PITPNA: variants seen among roughly 807,000 people sequenced by gnomAD.
PITPNA encodes the protein phosphatidylinositol transfer protein alpha.
PITPNA carries 13 observed loss-of-function variants against 50.3 expected under a neutral mutation model. The ratio of observed to expected loss-of-function variants is 0.26; its 90% CI spans 0.17 to 0.41. The LOEUF is 0.41. Among genes scored for constraint, PITPNA ranks in the 10% least tolerant of loss-of-function variants. PITPNA has a pLI of 1.00. For missense variants in PITPNA, 207 were observed against 333.4 expected, an observed-to-expected ratio of 0.62 and a Z score of 2.95; for synonymous variants, 120 against 119.6, an observed-to-expected ratio of 1.00 and a Z score of -0.02.
At position 1,546,528 on chromosome 17, in the gene PITPNA, A is replaced by G. The variant is rs141394667; in HGVS notation, c.289+1768T>C. ...CCAGACTCATCAGACTCTAGGGAGT[A>G]CCAGGTGCCAACAAAGAAAGCAAGT... On this transcript the variant is annotated intron_variant, in intron 4 of 11. Transcript: ENST00000313486. 2.1e-4 allele frequency among the ~76,000 whole-genome samples: 32 copies of G among 152,330 alleles called. No homozygotes were observed. In the East Asian group the frequency reaches 6.2e-3, roughly 29 times the overall value.
rs1555530753 is a variant in PITPNA, at chr17:1,529,155, A to AAGAG, written c.768+4940_768+4943dup. On this transcript the variant is annotated intron_variant, in intron 10 of 11. Coordinates refer to ENST00000313486, the MANE Select transcript of PITPNA (RefSeq NM_006224.4). Reference sequence around the variant, plus strand: ...TCCATCTCAAAAAAAAAAAAAAAAAAAGAGAGAGAGAGACTCCATGAGGGC... The same window carrying AAGAG: ...TCCATCTCAAAAAAAAAAAAAAAAAAAGAGAGAGAGAGAGAGACTCCATGAGGGC... 2.1e-3 allele frequency among the ~76,000 whole-genome samples: 229 copies of AAGAG among 106,612 alleles called. 2 individuals carry two copies. The highest frequency in any genetic ancestry group is 8.2e-3 in the African/African-American group (198 of 24,278). 69.9% of individuals were successfully genotyped at this position (106,612 alleles called of 152,430 possible). A position where few individuals can be genotyped will look rare whatever the true frequency, so the allele number is the denominator to read the frequency against.
chr17:1,535,542 G>A lies in PITPNA; in HGVS notation c.457-24C>T. On this transcript the variant is annotated intron_variant, in intron 7 of 11. Coordinates refer to ENST00000313486, the MANE Select transcript of PITPNA (RefSeq NM_006224.4). The stretch of plus-strand genomic sequence containing the variant: ...TCCTGAGAGAAATTGTGGAATTGGG[G>A]TTGGAGGGGAGTGGGAGAGGGAGTG... 2.6e-6 allele frequency: 4 copies of A among 1,511,186 alleles called. No individual in the cohort carries two copies. The East Asian group carries it at 9.0e-5, about 34-fold the overall frequency. The allele number at this position is 1,511,186 out of a possible 1,614,324, so 93.6% of individuals were successfully genotyped here.
chr17:1,525,797 C>T lies in PITPNA; in HGVS notation c.769-4152G>A, dbSNP rs374180531. Among the ~76,000 whole-genome samples, 38 of 152,270 alleles carry T rather than the reference C, an allele frequency of 2.5e-4. No individual in the cohort carries two copies. The East Asian group carries it at 6.9e-3, about 28-fold the overall frequency. ...CCTCCCAAAGTGCTGGGATGACAGG[C>T]GTGAGCCATCACGCATGGCCAGCTT... On this transcript the variant is annotated intron_variant, in intron 10 of 11. Coordinates refer to ENST00000313486, the MANE Select transcript of PITPNA (RefSeq NM_006224.4).
intron 3 of PITPNA, 132 bp downstream of exon 3, chr17:1,552,872 T>C (rs748469435): frequency 7.9e-6 from 7 of 880,774 alleles, no homozygotes; most frequent in Non-Finnish European, 1.0e-5. Context: ...ATTTATACAG[T>C]CAGTATATAA....
At chr17:1,544,882 T>C (rs940506207) in intron 4 of PITPNA, among the ~76,000 whole-genome samples, 114 of 152,220 alleles carry the variant, frequency 7.5e-4, no homozygotes, top group African/African-American at 2.7e-3. Context: ...CAACACTGTC[T>C]GTTGGGAGGC....
Position 1,560,955 on chromosome 17 carries a change from G to A in PITPNA, c.20+1586C>T, listed in dbSNP as rs1203883687. ...CCTAAATGTCCTAAGCACCTCCAAGGAGCCAGCCTGGTGGGGATGGTCAAA... is the reference window on the plus strand; with the variant it reads ...CCTAAATGTCCTAAGCACCTCCAAGAAGCCAGCCTGGTGGGGATGGTCAAA... On this transcript the variant is annotated intron_variant, in intron 1 of 11. Coordinates refer to ENST00000313486, the MANE Select transcript of PITPNA (RefSeq NM_006224.4). Among the ~76,000 whole-genome samples the A allele has an allele frequency of 2.6e-5, 4 of 152,138 alleles. No individual in the cohort carries two copies. In the East Asian group the frequency reaches 7.7e-4, roughly 29 times the overall value.
chr17:1,521,069 C>G (rs530923370), intron 11 of PITPNA, among the ~76,000 whole-genome samples: 4 of 152,194 alleles, frequency 2.6e-5, no homozygotes, highest in African/African-American at 9.6e-5. Context: ...AAACACCCTC[C>G]CAGCATCTGA....
chr17:1,562,446 T>C lies in PITPNA; in HGVS notation c.20+95A>G, dbSNP rs1263204168. The C allele has an allele frequency of 4.9e-6, 5 of 1,021,540 alleles. No homozygotes were observed. Among genetic ancestry groups the C allele is most frequent in the South Asian group, 1.8e-5 (1 of 54,346 alleles). The allele number at this position is 1,021,540 out of a possible 1,614,324, so 63.3% of individuals were successfully genotyped here. Reference sequence around the variant, plus strand: ...ACCCTCCGTCCCTGCTGCCCCTCCGTCCATCCGGGCCCTGCGTCCCTCGCC... The same window carrying C: ...ACCCTCCGTCCCTGCTGCCCCTCCGCCCATCCGGGCCCTGCGTCCCTCGCC... On this transcript the variant is annotated intron_variant, in intron 1 of 11. Coordinates refer to ENST00000313486, the MANE Select transcript of PITPNA (RefSeq NM_006224.4). The surrounding 1 kb of genome is among the most constrained non-coding windows in gnomAD (Gnocchi z 6.4).
At chr17:1,560,739 T>C (rs1425284043) in intron 1 of PITPNA, among the ~76,000 whole-genome samples, 1 of 152,224 alleles carries the variant, frequency 6.6e-6, no homozygotes, top group Non-Finnish European at 1.5e-5. Flanking sequence ...GTGCACCACG[T>C]TCTCCTGTTG....
At chr17:1,535,695 G>C (rs1203831135) in intron 7 of PITPNA, 177 bp from the exon 8 acceptor site, 2 of 614,226 alleles carry the variant, frequency 3.3e-6, no homozygotes, top group African/African-American at 1.8e-5. Context: ...CCTCAGAGGA[G>C]AGTTCTATGT....
intron 11 of PITPNA, among the ~76,000 whole-genome samples, chr17:1,520,881 G>C (rs769160477): frequency 6.6e-6 from 1 of 152,170 alleles, no homozygotes; most frequent in Middle Eastern, 3.2e-3. Context: ...CTAATTGGGA[G>C]CAGAGCCAGG....
At chr17:1,521,531 A>G in intron 11 of PITPNA, 48 bp downstream of exon 11, 1 of 1,381,714 alleles carries the variant, frequency 7.2e-7, no homozygotes, top group South Asian at 1.2e-5. Flanking sequence ...TGAAACCCAA[A>G]CTGATTTTAG....
At chr17:1,536,975 T>C (rs938633393) in intron 7 of PITPNA, among the ~76,000 whole-genome samples, 2 of 146,856 alleles carry the variant, frequency 1.4e-5, no homozygotes, top group African/African-American at 5.0e-5. Flanking sequence ...CTCAGCTCAA[T>C]GGAACCTCCG....
rs559225742 is a variant in PITPNA at position 1,537,387 on chromosome 17, C to T, written c.456+1482G>A. 1.2e-4 allele frequency among the ~76,000 whole-genome samples: 19 copies of T among 152,136 alleles called. No homozygotes were observed. In the East Asian group the frequency reaches 1.4e-3, roughly 11 times the overall value. ...CCTAATTTTGTATTTTTAGTAGAGA[C>T]GGGGTTTCACCATGTTGGCCAAGCT... On this transcript the variant is annotated intron_variant, in intron 7 of 11. Transcript: ENST00000313486.
chr17:1,562,509 T>G lies in PITPNA; in HGVS notation c.20+32A>C, dbSNP rs1411646683. 26 of 1,053,704 alleles carry G rather than the reference T, an allele frequency of 2.5e-5. No homozygotes were observed. The highest frequency in any genetic ancestry group is 3.3e-5 in the Non-Finnish European group (25 of 765,934). 65.3% of individuals were successfully genotyped at this position (1,053,704 alleles called of 1,614,324 possible). A position where few individuals can be genotyped will look rare whatever the true frequency, so the allele number is the denominator to read the frequency against. On this transcript the variant is annotated intron_variant, in intron 1 of 11. Transcript: ENST00000313486. The surrounding 1 kb of genome is among the most constrained non-coding windows in gnomAD (Gnocchi z 6.4). ...CGGCGGCCGTCCCCACCCTCCCTCC[T>G]CCCCGCTTCCGCACGGCCGCCGGAC...
At chr17:1,552,980 G>C in intron 3 of PITPNA, 24 bp downstream of exon 3, 1 of 1,611,262 alleles carries the variant, frequency 6.2e-7, no homozygotes, top group Non-Finnish European at 8.5e-7. Context: ...GCCAGCATCC[G>C]GCCCCGCTGC....
intron 7 of PITPNA, among the ~76,000 whole-genome samples, chr17:1,536,490 C>A (rs573883807): frequency 1.3e-5 from 2 of 151,986 alleles, no homozygotes; most frequent in African/African-American, 2.4e-5. Flanking sequence ...GGGGTTTCAC[C>A]GTGTTAGCCA....
At chr17:1,551,994 G>A (rs1326282030) in intron 3 of PITPNA, among the ~76,000 whole-genome samples, 1 of 151,854 alleles carries the variant, frequency 6.6e-6, no homozygotes, top group Non-Finnish European at 1.5e-5. Flanking sequence ...GGGTGATGGT[G>A]AGGTTCCTCC....
intron 4 of PITPNA, among the ~76,000 whole-genome samples, chr17:1,547,864 T>C (rs1321980605): frequency 1.3e-5 from 2 of 151,792 alleles, no homozygotes; most frequent in African/African-American, 4.8e-5. Context: ...CGTGGCGGTA[T>C]GCGCCTGTAG....
Sources: allele counts gnomAD v4.1 joint callset (sites outside exome capture counted in the v4.1 genomes callset), GRCh38; gene constraint gnomAD v4.1.1; non-coding constraint Gnocchi (gnomAD v3.1); transcripts MANE v1.5; gene names NCBI Gene and HGNC (gene_info 2026-07-23, HGNC 2026-07-21).